CLSTN2: variants seen among roughly 807,000 people sequenced by gnomAD.
CLSTN2 encodes calsyntenin 2, also known as calsyntenin-2.
In CLSTN2, 48 loss-of-function variants were observed where a neutral mutation model predicts 101.2. The observed-to-expected ratio is 0.47, with a 90% CI of 0.38 to 0.60. CLSTN2 has a LOEUF of 0.60. Among genes scored for constraint, CLSTN2 ranks in the 20% least tolerant of loss-of-function variants. The probability of loss-of-function intolerance (pLI) is 0.00; values close to 1 mark genes in which losing one functional copy is unlikely to be tolerated. For missense variants in CLSTN2, 1,160 were observed against 1,238.2 expected (o/e 0.94, Z 0.95); for synonymous variants, 481 against 463.6 (o/e 1.04, Z -0.48).
Position 140,033,511 on chromosome 3 carries a change from G to T in CLSTN2, c.109+98028G>T, listed in dbSNP as rs2007597046. On this transcript the variant is annotated intron_variant, in intron 1 of 16. Coordinates refer to ENST00000458420, the MANE Select transcript of CLSTN2 (RefSeq NM_022131.3). ...CCATTAGCACATATTAAGTGTGTGT[G>T]CAAAATACCTGATAATTGAGCTTAA... Among the ~76,000 whole-genome samples the T allele has an allele frequency of 2.6e-5, 4 of 152,172 alleles. No homozygotes were observed. In the South Asian group the frequency reaches 8.3e-4, roughly 31 times the overall value.
At chr3:140,032,173 GA>G (rs1158362952) in intron 1 of CLSTN2, among the ~76,000 whole-genome samples, 1 of 151,584 alleles carries the variant, frequency 6.6e-6, no homozygotes, top group Non-Finnish European at 1.5e-5. Context: ...TTATTGGGGA[GA>G]AAAGACCCAT....
intron 1 of CLSTN2, among the ~76,000 whole-genome samples, chr3:140,021,058 T>C (rs1016038385): frequency 1.9e-4 from 29 of 152,212 alleles, no homozygotes; most frequent in African/African-American, 7.0e-4. Flanking sequence ...AACTACTCTC[T>C]TGTGAGATAA....
At chr3:140,489,492 T>C (rs896872305) in intron 8 of CLSTN2, among the ~76,000 whole-genome samples, 6 of 151,922 alleles carry the variant, frequency 3.9e-5, no homozygotes, top group African/African-American at 1.5e-4. Flanking sequence ...GTAATTACAG[T>C]ACCATGATCA....
chr3:140,459,550 C>T lies in CLSTN2; in HGVS notation c.1003C>T (p.Pro335Ser). The T allele has an allele frequency of 6.2e-7, 1 of 1,614,082 alleles. No homozygotes were observed. Among genetic ancestry groups the T allele is most frequent in the Middle Eastern group, 1.6e-4 (1 of 6,062 alleles). Residue 335 changes from proline (P) to serine (S), a missense_variant, in exon 7 of 17, where the codon CCA (proline) becomes TCA (serine). Coordinates refer to ENST00000458420, the MANE Select transcript of CLSTN2 (RefSeq NM_022131.3). ...GASSGIIDLL[P>S]SPSAATNWTA... ...CTCCTCTGGCATCATTGACCTCTTGCCATCCCCTAGCGCTGCCACCAACTG... is the reference window on the plus strand; with the variant it reads ...CTCCTCTGGCATCATTGACCTCTTGTCATCCCCTAGCGCTGCCACCAACTG...
chr3:140,532,382 T>C lies in CLSTN2; in HGVS notation c.1403T>C (p.Leu468Ser). Residue 468 changes from leucine to serine, a missense_variant, in exon 9 of 17, where the codon TTA becomes TCA. Physicochemically the swap from Leu to Ser is moderately radical, Grantham distance 145 (BLOSUM62 -2). Transcript: ENST00000458420. Reference protein sequence around the residue: ...VINVEFPVVTLYMDGATYEPY... With the variant: ...VINVEFPVVTSYMDGATYEPY... Reference sequence around the variant, plus strand: ...AATGTGGAGTTTCCTGTGGTAACCTTATACATGGATGGAGCAACATATGAA... The same window carrying C: ...AATGTGGAGTTTCCTGTGGTAACCTCATACATGGATGGAGCAACATATGAA... 6.2e-7 allele frequency: 1 copy of C among 1,613,764 alleles called. No individual in the cohort carries two copies. Among genetic ancestry groups the C allele is most frequent in the East Asian group, 2.2e-5 (1 of 44,878 alleles).
At chr3:140,451,663 G>T (rs1933255586) in intron 6 of CLSTN2, among the ~76,000 whole-genome samples, 2 of 152,182 alleles carry the variant, frequency 1.3e-5, no homozygotes, top group South Asian at 4.1e-4. Context: ...AGGGACTCAG[G>T]TTCTCTCCAA....
intron 2 of CLSTN2, 27 bp downstream of exon 2, chr3:140,176,100 G>A (rs2107828954): frequency 6.2e-7 from 1 of 1,611,610 alleles, no homozygotes; most frequent in Non-Finnish European, 8.5e-7. Flanking sequence ...GTACGGCTGG[G>A]CCTGGCTCAC....
intron 2 of CLSTN2, among the ~76,000 whole-genome samples, chr3:140,337,255 G>A (rs77015992): frequency 1.4e-4 from 21 of 152,230 alleles, no homozygotes; most frequent in Non-Finnish European, 2.6e-4. Flanking sequence ...GGAAGTCCAA[G>A]ATCAATGTGT....
At chr3:140,004,494 G>A (rs2107748802) in intron 1 of CLSTN2, among the ~76,000 whole-genome samples, 1 of 152,316 alleles carries the variant, frequency 6.6e-6, no homozygotes, top group African/African-American at 2.4e-5. Context: ...CACAGGAGCA[G>A]CAGGGAGGAT....
At chr3:140,499,172 C>A (rs1214321465) in intron 8 of CLSTN2, among the ~76,000 whole-genome samples, 1 of 152,092 alleles carries the variant, frequency 6.6e-6, no homozygotes, top group Non-Finnish European at 1.5e-5. Flanking sequence ...AGAAATAATT[C>A]ATATACCTGA....
intron 2 of CLSTN2, among the ~76,000 whole-genome samples, chr3:140,314,855 A>G (rs1486143889): frequency 1.3e-5 from 2 of 151,912 alleles, no homozygotes; most frequent in African/African-American, 4.8e-5. Flanking sequence ...GTAACTATCT[A>G]TGTAAATGTC....
intron 1 of CLSTN2, among the ~76,000 whole-genome samples, chr3:140,145,307 C>T (rs906917821): frequency 2.0e-5 from 3 of 152,204 alleles, no homozygotes; most frequent in Non-Finnish European, 2.9e-5. Context: ...AAATCCATAA[C>T]ATCTTTGAGC....
At chr3:140,106,551 A>C (rs1004647789) in intron 1 of CLSTN2, among the ~76,000 whole-genome samples, 1 of 152,194 alleles carries the variant, frequency 6.6e-6, no homozygotes, top group Admixed American at 6.5e-5. Context: ...TCACAGCTTC[A>C]CACTGACTAC....
At position 140,540,178 on chromosome 3, in the gene CLSTN2, G is replaced by A. The variant is rs546175972; in HGVS notation, c.1508-6337G>A. 1.1e-4 allele frequency among the ~76,000 whole-genome samples: 17 copies of A among 152,266 alleles called. No individual in the cohort carries two copies. In the South Asian group the frequency reaches 1.9e-3, roughly 17 times the overall value. ...AGCCCTTCCAACTCCACGAGTTTAG[G>A]TTCTCAACCCCAGAGAGCTGACATT... On this transcript the variant is annotated intron_variant, in intron 9 of 16. Coordinates refer to ENST00000458420, the MANE Select transcript of CLSTN2 (RefSeq NM_022131.3).
At chr3:140,334,418 C>A (rs1266760949) in intron 2 of CLSTN2, among the ~76,000 whole-genome samples, 1 of 152,134 alleles carries the variant, frequency 6.6e-6, no homozygotes, top group Non-Finnish European at 1.5e-5. Flanking sequence ...TCGTCACTGC[C>A]CAGCTGAAAG....
intron 1 of CLSTN2, among the ~76,000 whole-genome samples, chr3:140,139,754 C>G (rs1158714061): frequency 6.6e-6 from 1 of 152,222 alleles, no homozygotes; most frequent in African/African-American, 2.4e-5. Context: ...GTAACAGCAA[C>G]CACTCACATT....
At chr3:140,437,021 C>T (rs1422063359) in intron 5 of CLSTN2, among the ~76,000 whole-genome samples, 2 of 150,524 alleles carry the variant, frequency 1.3e-5, no homozygotes, top group Non-Finnish European at 2.9e-5. Flanking sequence ...AGGCAAGGAG[C>T]AGGGACCTTC....
At chr3:140,383,109 G>A (rs767261234) in intron 2 of CLSTN2, among the ~76,000 whole-genome samples, 53 of 152,142 alleles carry the variant, frequency 3.5e-4, no homozygotes, top group Non-Finnish European at 5.7e-4. Flanking sequence ...CACTCTGTGA[G>A]GATAGTAAAA....
chr3:140,059,873 A>G (rs1212629664), intron 1 of CLSTN2, among the ~76,000 whole-genome samples: 1 of 152,206 alleles, frequency 6.6e-6, no homozygotes, highest in African/African-American at 2.4e-5. Flanking sequence ...TTAGTTATAA[A>G]GAAAGACCTC....
Sources: allele counts gnomAD v4.1 joint callset (sites outside exome capture counted in the v4.1 genomes callset), GRCh38; gene constraint gnomAD v4.1.1; transcripts MANE v1.5; gene names NCBI Gene and HGNC (gene_info 2026-07-23, HGNC 2026-07-21).